HNRNPA2B1: variants seen among roughly 807,000 people sequenced by gnomAD.
The protein encoded by HNRNPA2B1 is heterogeneous nuclear ribonucleoprotein A2/B1, also known as heterogeneous nuclear ribonucleoproteins A2/B1.
In HNRNPA2B1, 3 loss-of-function variants were observed where a neutral mutation model predicts 46.3. The ratio of observed to expected loss-of-function variants is 0.06; its 90% confidence interval spans 0.03 to 0.17. The LOEUF (loss-of-function observed/expected upper bound fraction) is 0.17, where lower values mean the gene tolerates loss of function less well. Ranked by LOEUF, HNRNPA2B1 falls within the 10% of genes least tolerant of loss-of-function variation. The probability of loss-of-function intolerance (pLI) is 1.00; values close to 1 mark genes in which losing one functional copy is unlikely to be tolerated. For missense variants in HNRNPA2B1, 221 were observed against 418.9 expected (o/e 0.53, Z 4.12); for synonymous variants, 225 against 133.8 (o/e 1.68, Z -4.70).
At chr7:26,199,635 G>GC (rs559639000) in intron 1 of HNRNPA2B1, 7 of 151,276 alleles carry the variant, frequency 4.6e-5, no homozygotes, top group Admixed American at 3.9e-4. Flanking sequence ...TCCCTCCCCC[G>GC]CCCAGAAAAC....
intron 7 of HNRNPA2B1, among the ~76,000 whole-genome samples, chr7:26,195,486 CAT>C (rs1783462624): frequency 6.6e-6 from 1 of 152,156 alleles, no homozygotes; most frequent in Admixed American, 6.6e-5. Context: ...CGGGTTTAGA[CAT>C]ATTTCATATT....
At chr7:26,198,128 A>C (rs998728645) in intron 1 of HNRNPA2B1, 4 of 332,372 alleles carry the variant, frequency 1.2e-5, no homozygotes, top group Non-Finnish European at 2.1e-5. Context: ...TACAACCTAA[A>C]AACGCAAATT....
chr7:26,192,138 T>C lies in HNRNPA2B1; in HGVS notation c.*222A>G, dbSNP rs1481118561. On this transcript the variant is annotated 3_prime_UTR_variant, in exon 11 of 11. Transcript: ENST00000618183. ...CAAAGGCATTTTTTTTTACAATCCT[T>C]CCTCCACAGTAAGGTAATGTTATTA... The C allele has an allele frequency of 6.0e-6, 1 of 166,546 alleles. No homozygotes were observed. The highest frequency in any genetic ancestry group is 6.1e-5 in the Admixed American group (1 of 16,334). The allele number at this position is 166,546 out of a possible 1,614,324, so 10.3% of individuals were successfully genotyped here. A position where few individuals can be genotyped will look rare whatever the true frequency, so the allele number is the denominator to read the frequency against.
chr7:26,196,049 A>C, intron 6 of HNRNPA2B1, 140 bp from the exon 7 acceptor site: 1 of 1,216,414 alleles, frequency 8.2e-7, no homozygotes, highest in East Asian at 2.7e-5. Flanking sequence ...CAGTTTACCC[A>C]CAAAACATGA....
chr7:26,195,916 G>A lies in HNRNPA2B1; in HGVS notation c.659-7C>T, dbSNP rs199606705. The A allele has an allele frequency of 3.1e-6, 5 of 1,598,876 alleles. No individual in the cohort carries two copies. The highest frequency in any genetic ancestry group is 4.5e-5 in the East Asian group (2 of 44,694). ...CGTCCACTGCCATATCCATCTGTTAGGGGCCAAAAAAAGATTACGTTTACT... is the reference window on the plus strand; with the variant it reads ...CGTCCACTGCCATATCCATCTGTTAAGGGCCAAAAAAAGATTACGTTTACT... On this transcript the variant is annotated splice_region_variant and splice_polypyrimidine_tract_variant and intron_variant, in intron 6 of 10. Coordinates refer to ENST00000618183, the MANE Select transcript of HNRNPA2B1 (RefSeq NM_002137.4).
intron 9 of HNRNPA2B1, among the ~76,000 whole-genome samples, 178 bp downstream of exon 9, chr7:26,193,073 T>TA (rs1173804338): frequency 6.6e-6 from 1 of 152,160 alleles, no homozygotes; most frequent in Non-Finnish European, 1.5e-5. Context: ...TTTGATGTCA[T>TA]AACTGCTTGC....
intron 1 of HNRNPA2B1, chr7:26,199,601 C>G (rs985615434): frequency 3.3e-5 from 5 of 152,146 alleles, no homozygotes; most frequent in Non-Finnish European, 7.4e-5. Context: ...TCCTTAAGAA[C>G]AGTAAAGGAT....
Position 26,200,692 on chromosome 7 carries a change from C to A in HNRNPA2B1, c.-115G>T, listed in dbSNP as rs886565331. ...CGCTGTAGTGAGAACTGCCGCTGCT[C>A]GAGAAACAACTCTGCGAGGAGCACC... On this transcript the variant is annotated 5_prime_UTR_variant, in exon 1 of 11. Coordinates refer to ENST00000618183, the MANE Select transcript of HNRNPA2B1 (RefSeq NM_002137.4). 13 of 1,316,964 alleles carry A rather than the reference C, an allele frequency of 9.9e-6. No homozygotes were observed. Among genetic ancestry groups the A allele is most frequent in the Non-Finnish European group, 9.8e-6 (9 of 916,570 alleles). 81.6% of individuals were successfully genotyped at this position (1,316,964 alleles called of 1,614,324 possible). A position where few individuals can be genotyped will look rare whatever the true frequency, so the allele number is the denominator to read the frequency against.
rs1782949244 is a variant in HNRNPA2B1, at chr7:26,191,839, C to G, written c.*521G>C. 1 of 152,596 alleles carries G rather than the reference C, an allele frequency of 6.6e-6. No individual in the cohort carries two copies. Among genetic ancestry groups the G allele is most frequent in the Admixed American group, 6.5e-5 (1 of 15,274 alleles). 9.5% of individuals were successfully genotyped at this position (152,596 alleles called of 1,614,324 possible). A position where few individuals can be genotyped will look rare whatever the true frequency, so the allele number is the denominator to read the frequency against. ...ATTTAAAATAAAAAGTCTATAATTA[C>G]ACAATTTCCTTTAGAATTATTTTAT... On this transcript the variant is annotated 3_prime_UTR_variant, in exon 11 of 11. Transcript: ENST00000618183.
chr7:26,196,773 G>GA lies in HNRNPA2B1; in HGVS notation c.475+33dup, dbSNP rs752982811. On this transcript the variant is annotated intron_variant, in intron 4 of 10. Transcript: ENST00000618183. The stretch of plus-strand genomic sequence containing the variant: ...AACATACACAAAATTGAATACACTG[G>GA]AAAAAAACAGTACATTTGTGGTTAG... The GA allele has an allele frequency of 3.3e-5, 53 of 1,592,210 alleles. 1 individual carries two copies. The highest frequency in any genetic ancestry group is 3.3e-4 in the Middle Eastern group (2 of 6,002).
chr7:26,195,902 A>G lies in HNRNPA2B1; in HGVS notation c.666T>C (p.Tyr222=), dbSNP rs1333182522. The change falls in exon 7 of 11, where the codon TAT becomes TAC. Residue 222 remains tyrosine (Y), a synonymous_variant. Coordinates refer to ENST00000618183, the MANE Select transcript of HNRNPA2B1 (RefSeq NM_002137.4). ...CATCCCCAAATCCACGTCCACTGCC[A>G]TATCCATCTGTTAGGGGCCAAAAAA... ...GSNFRGGSDG[Y]GSGRGFGDGY... 6.2e-7 allele frequency: 1 copy of G among 1,607,480 alleles called. No individual in the cohort carries two copies. The highest frequency in any genetic ancestry group is 8.5e-7 in the Non-Finnish European group (1 of 1,178,152).
At chr7:26,197,966 T>C in intron 1 of HNRNPA2B1, 1 of 682,556 alleles carries the variant, frequency 1.5e-6, no homozygotes, top group South Asian at 2.0e-5. Flanking sequence ...TCTACACAAG[T>C]TTCAAAGTCA....
Position 26,193,660 on chromosome 7 carries a change from T to G in HNRNPA2B1, c.756A>C (p.Gly252=), listed in dbSNP as rs199909637. The G allele has an allele frequency of 6.3e-5, 101 of 1,612,744 alleles. 1 individual carries two copies. In the African/African-American group the frequency reaches 1.1e-3, roughly 18 times the overall value. Residue 252 remains glycine, a synonymous_variant, in exon 8 of 11, where the codon GGA becomes GGC. Coordinates refer to ENST00000618183, the MANE Select transcript of HNRNPA2B1 (RefSeq NM_002137.4). ...CTCCACCACCATATCCTCCTCTTCC[T>G]CCTCCATAACCGGGGCTACCTCCAA... The part of the protein sequence containing the change: ...GNFGGSPGYG[G]GRGGYGGGGP...
chr7:26,193,800 T>A (rs564175935), intron 7 of HNRNPA2B1, 106 bp from the exon 8 acceptor site: 3 of 983,452 alleles, frequency 3.1e-6, no homozygotes, highest in South Asian at 2.9e-5. Flanking sequence ...GTGAAATATT[T>A]AATGAAATTC....
At chr7:26,195,321 G>T (rs184551379) in intron 7 of HNRNPA2B1, among the ~76,000 whole-genome samples, 1 of 152,178 alleles carries the variant, frequency 6.6e-6, no homozygotes, top group East Asian at 1.9e-4. Context: ...CTGTCAGTGT[G>T]TATCAGCCTT....
intron 1 of HNRNPA2B1, chr7:26,200,355 A>C: frequency 1.1e-5 from 7 of 614,800 alleles, no homozygotes; most frequent in Non-Finnish European, 2.1e-5. Flanking sequence ...CCCCACCCCC[A>C]GTGAAGGGAA....
At position 26,193,385 on chromosome 7, in the gene HNRNPA2B1, T is replaced by G; in HGVS notation, c.842-12A>C. ...ACTTCCATAATTTCCTATTAAAAAA[T>G]TGGAATACTCAGAACAATACAAACA... On this transcript the variant is annotated splice_polypyrimidine_tract_variant and intron_variant, in intron 8 of 10. Transcript: ENST00000618183. The G allele has an allele frequency of 6.2e-7, 1 of 1,609,390 alleles. No individual in the cohort carries two copies. Among genetic ancestry groups the G allele is most frequent in the Non-Finnish European group, 8.5e-7 (1 of 1,176,238 alleles).
At chr7:26,193,187 T>TA in intron 9 of HNRNPA2B1, 64 bp downstream of exon 9, 1 of 1,458,760 alleles carries the variant, frequency 6.9e-7, no homozygotes, top group South Asian at 1.2e-5. Context: ...ATCTTCCCTT[T>TA]AAGTCACAAA....
intron 1 of HNRNPA2B1, 80 bp downstream of exon 1, chr7:26,200,492 G>A (rs944705005): frequency 1.4e-6 from 2 of 1,425,846 alleles, no homozygotes; most frequent in African/African-American, 1.4e-5. Context: ...CTCCCACGGA[G>A]GCGGCTGGCC....
Sources: gnomAD v4.1 joint callset for allele counts (sites outside exome capture counted in the v4.1 genomes callset) on GRCh38, gnomAD v4.1.1 for gene constraint, MANE v1.5 for transcripts, NCBI Gene and HGNC (gene_info 2026-07-23, HGNC 2026-07-21) for gene names.